Variants in JPH3 observed in about 807,000 individuals in gnomAD.
The protein encoded by JPH3 is junctophilin-3.
JPH3 carries 11 observed loss-of-function variants against 59.6 expected under a neutral mutation model. The ratio of observed to expected loss-of-function variants is 0.18; its 90% CI spans 0.12 to 0.31. The LOEUF is 0.31. JPH3 is among the 10% of genes least tolerant of loss of function. The pLI is 1.00. For synonymous variants in JPH3, 673 were observed against 483.6 expected, an observed-to-expected ratio of 1.39 and a Z score of -5.14; for missense variants, 1,202 against 1,105.7, an observed-to-expected ratio of 1.09 and a Z score of -1.24.
At chr16:87,691,133 G>C (rs1477352974) in intron 4 of JPH3, among the ~76,000 whole-genome samples, 1 of 151,546 alleles carries the variant, frequency 6.6e-6, no homozygotes, top group Non-Finnish European at 1.5e-5. Flanking sequence ...TTGGAGGGAA[G>C]AACAGCGTCC....
intron 3 of JPH3, among the ~76,000 whole-genome samples, chr16:87,686,997 C>G (rs1332936997): frequency 6.6e-6 from 1 of 152,204 alleles, no homozygotes. Flanking sequence ...TTGGGTGGCG[C>G]CCCGGAGCCT....
At chr16:87,608,568 G>C (rs763938819) in intron 1 of JPH3, among the ~76,000 whole-genome samples, 1 of 152,160 alleles carries the variant, frequency 6.6e-6, no homozygotes, top group Non-Finnish European at 1.5e-5. Flanking sequence ...GAGGAGAGGA[G>C]GAGAGAAGAG....
chr16:87,666,607 A>G (rs2032869975), intron 2 of JPH3, among the ~76,000 whole-genome samples: 1 of 152,170 alleles, frequency 6.6e-6, no homozygotes, highest in Non-Finnish European at 1.5e-5. Context: ...TATGTTGGTC[A>G]GGCTGGTCTC....
At chr16:87,625,278 G>GTGAC (rs1474580808) in intron 1 of JPH3, among the ~76,000 whole-genome samples, 2 of 152,194 alleles carry the variant, frequency 1.3e-5, no homozygotes, top group African/African-American at 4.8e-5. Context: ...AGTGACAGCT[G>GTGAC]TGACTATTGG....
At chr16:87,687,456 C>T (rs561236341) in intron 3 of JPH3, among the ~76,000 whole-genome samples, 3 of 152,264 alleles carry the variant, frequency 2.0e-5, no homozygotes, top group South Asian at 2.1e-4. Flanking sequence ...CCTCCCAGCC[C>T]GAGAACTCTG....
At chr16:87,652,181 T>C (rs1368758734) in intron 2 of JPH3, among the ~76,000 whole-genome samples, 2 of 152,088 alleles carry the variant, frequency 1.3e-5, no homozygotes, top group African/African-American at 4.8e-5. Flanking sequence ...TTCACCGTAT[T>C]AGCTAGGATG....
At chr16:87,656,111 G>A (rs990922528) in intron 2 of JPH3, among the ~76,000 whole-genome samples, 1 of 152,216 alleles carries the variant, frequency 6.6e-6, no homozygotes, top group African/African-American at 2.4e-5. Context: ...TTCCTGAGCT[G>A]GTCAGCCCAG....
At chr16:87,690,776 AACT>A (rs2033549010) in intron 4 of JPH3, among the ~76,000 whole-genome samples, 1 of 151,058 alleles carries the variant, frequency 6.6e-6, no homozygotes, top group South Asian at 2.1e-4. Flanking sequence ...AAGCACACGA[AACT>A]CCTGGTTTCC....
intron 4 of JPH3, among the ~76,000 whole-genome samples, chr16:87,692,272 G>C (rs2033610446): frequency 6.7e-6 from 1 of 148,748 alleles, no homozygotes; most frequent in African/African-American, 2.5e-5. Flanking sequence ...TGTGAGGGGA[G>C]ATGGTGTGTA....
chr16:87,641,598 G>A (rs971341703), intron 1 of JPH3, among the ~76,000 whole-genome samples: 1 of 152,226 alleles, frequency 6.6e-6, no homozygotes, highest in Non-Finnish European at 1.5e-5. Context: ...AATAAGTCAC[G>A]TTCACAGGAT....
intron 2 of JPH3, among the ~76,000 whole-genome samples, chr16:87,655,261 G>A (rs2032459127): frequency 6.6e-6 from 1 of 152,236 alleles, no homozygotes; most frequent in Non-Finnish European, 1.5e-5. Flanking sequence ...AGGCCCTCCG[G>A]CCTCCCTGCG....
At chr16:87,668,180 C>T (rs570288498) in intron 2 of JPH3, among the ~76,000 whole-genome samples, 46 of 152,348 alleles carry the variant, frequency 3.0e-4, no homozygotes, top group African/African-American at 9.1e-4. Flanking sequence ...CCAGCCGCTC[C>T]GGGTCCTCTG....
intron 2 of JPH3, among the ~76,000 whole-genome samples, chr16:87,656,089 C>T (rs1474411617): frequency 3.3e-5 from 5 of 152,306 alleles, no homozygotes; most frequent in Non-Finnish European, 5.9e-5. Context: ...GGGTGCATGG[C>T]GTGAACTTCC....
Position 87,689,771 on chromosome 16 carries a change from AC to A in JPH3, c.1416del (p.Asp473ThrfsTer136). 2 of 1,608,974 alleles carry A rather than the reference AC, an allele frequency of 1.2e-6. No individual in the cohort carries two copies. The stretch of plus-strand genomic sequence containing the variant: ...CAAGGGCACCACTCCCTCCGACCTG[AC>A]CCCCGACGACAGCCCCCTGCAGAGC... ...YRKGTTPSDL[T>X]PDDSPLQSFP... On this transcript the variant is annotated frameshift_variant, in exon 4 of 5. Transcript: ENST00000284262. LOFTEE classifies it high-confidence loss of function.
rs779463840 is a variant in JPH3 at position 87,690,098 on chromosome 16, C to G, written c.1738C>G (p.Pro580Ala). Reference sequence around the variant, plus strand: ...GCGGGAGCGGCGGACGGAGTCACCCCCCGTGTTCACGTGGACTTCCCACCA... The same window carrying G: ...GCGGGAGCGGCGGACGGAGTCACCCGCCGTGTTCACGTGGACTTCCCACCA... Reference protein sequence around the residue: ...KPRERRTESPPVFTWTSHHRA... With the variant: ...KPRERRTESPAVFTWTSHHRA... Residue 580 changes from proline (P) to alanine (A), a missense_variant, in exon 4 of 5, where the codon CCC becomes GCC. Pro to Ala is a conservative substitution (Grantham distance 27). Transcript: ENST00000284262. 10 of 1,574,260 alleles carry G rather than the reference C, an allele frequency of 6.4e-6. No homozygotes were observed. The highest frequency in any genetic ancestry group is 2.7e-5 in the African/African-American group (2 of 73,488).
chr16:87,638,337 C>A (rs889698331), intron 1 of JPH3, among the ~76,000 whole-genome samples: 12 of 152,296 alleles, frequency 7.9e-5, no homozygotes, highest in African/African-American at 2.6e-4. Flanking sequence ...TTGCTCCAGC[C>A]CTTTGCTGGT....
chr16:87,626,776 A>T (rs2031394037), intron 1 of JPH3, among the ~76,000 whole-genome samples: 1 of 152,180 alleles, frequency 6.6e-6, no homozygotes. Context: ...GGACCAAGGG[A>T]TTCTCAAGAG....
intron 2 of JPH3, among the ~76,000 whole-genome samples, chr16:87,652,454 T>G (rs992509696): frequency 5.9e-5 from 9 of 152,250 alleles, no homozygotes; most frequent in Admixed American, 2.0e-4. Flanking sequence ...GACTACAATA[T>G]AGTAGAAACA....
intron 1 of JPH3, among the ~76,000 whole-genome samples, chr16:87,623,183 G>C (rs1034585768): frequency 6.6e-6 from 1 of 152,232 alleles, no homozygotes; most frequent in African/African-American, 2.4e-5. Flanking sequence ...TGGTCTCCTG[G>C]GAGCTGTGTG....
Sources: allele counts gnomAD v4.1 joint callset (sites outside exome capture counted in the v4.1 genomes callset), GRCh38; gene constraint gnomAD v4.1.1; transcripts MANE v1.5; gene names NCBI Gene and HGNC (gene_info 2026-07-23, HGNC 2026-07-21).